DYNLT2: variants seen among roughly 807,000 people sequenced by gnomAD.
DYNLT2 encodes the protein dynein light chain Tctex-type protein 2.
DYNLT2 carries 24 observed loss-of-function variants against 24.3 expected under a neutral mutation model. That is an observed-to-expected ratio of 0.99 (90% confidence interval 0.71 to 1.39). DYNLT2 has a LOEUF of 1.39. Among genes scored for constraint, DYNLT2 ranks in the 40% most tolerant of loss-of-function variants. DYNLT2 has a pLI of 0.00. For synonymous variants in DYNLT2, 85 were observed against 85.4 expected, an observed-to-expected ratio of 1.00 and a Z score of 0.03; for missense variants, 246 against 234.5, an observed-to-expected ratio of 1.05 and a Z score of -0.32.
the DYNLT2 span, among the ~76,000 whole-genome samples, chr6:169,732,083 A>G: frequency 6.6e-6 from 1 of 152,310 alleles, no homozygotes. Context: ...GGTTATTACT[A>G]ATTTTTTCTG....
At chr6:169,732,634 A>G in the DYNLT2 span, among the ~76,000 whole-genome samples, 1 of 152,184 alleles carries the variant, frequency 6.6e-6, no homozygotes, top group Non-Finnish European at 1.5e-5. Context: ...TTATGGCTGC[A>G]TAGTATACCA....
chr6:169,742,614 T>C (rs1035413213), intron 3 of DYNLT2, among the ~76,000 whole-genome samples: 7 of 152,160 alleles, frequency 4.6e-5, no homozygotes, highest in African/African-American at 1.7e-4. Flanking sequence ...TTTGTACTTT[T>C]CTTTCTTTTT....
At chr6:169,733,896 T>C in the DYNLT2 span, among the ~76,000 whole-genome samples, 1 of 152,232 alleles carries the variant, frequency 6.6e-6, no homozygotes, top group Non-Finnish European at 1.5e-5. Context: ...ATTTTCACAA[T>C]GGTGATTCTT....
At chr6:169,741,107 G>A (rs187245355) in intron 3 of DYNLT2, among the ~76,000 whole-genome samples, 4 of 152,148 alleles carry the variant, frequency 2.6e-5, no homozygotes, top group African/African-American at 7.2e-5. Context: ...ACGTCTGGCC[G>A]AAAAAGGCCC....
At chr6:169,746,575 A>G (rs943852068) in intron 1 of DYNLT2, among the ~76,000 whole-genome samples, 4 of 152,128 alleles carry the variant, frequency 2.6e-5, no homozygotes, top group African/African-American at 9.7e-5. Context: ...TTTGTCAACT[A>G]CAGCCCTTTA....
Position 169,751,368 on chromosome 6 carries a change from T to C in DYNLT2, c.91A>G (p.Arg31Gly), listed in dbSNP as rs1006855838. The C allele has an allele frequency of 1.2e-6, 2 of 1,613,998 alleles. No individual in the cohort carries two copies. Among genetic ancestry groups the C allele is most frequent in the Non-Finnish European group, 1.7e-6 (2 of 1,180,012 alleles). Residue 31 changes from arginine (R) to glycine (G), a missense_variant, in exon 1 of 4, where the codon AGG (arginine) becomes GGG (glycine). By Grantham distance (125) the Arg-to-Gly change is moderately radical. Transcript: ENST00000366774. ...QQAPVTPRKE[R>G]RPSMFEKEAY... Reference sequence around the variant, plus strand: ...TCCTTCTCGAACATGCTAGGCCTCCTTTCTTTCCTAGGCGTCACCGGAGCC... The same window carrying C: ...TCCTTCTCGAACATGCTAGGCCTCCCTTCTTTCCTAGGCGTCACCGGAGCC...
intron 3 of DYNLT2, among the ~76,000 whole-genome samples, chr6:169,742,014 T>C (rs1218829949): frequency 6.6e-6 from 1 of 152,178 alleles, no homozygotes; most frequent in Non-Finnish European, 1.5e-5. Context: ...AGTCCACTCC[T>C]CTATGGAACC....
chr6:169,726,341 T>TA, the DYNLT2 span, among the ~76,000 whole-genome samples: 4 of 151,646 alleles, frequency 2.6e-5, no homozygotes, highest in Admixed American at 2.6e-4. Context: ...TACTACCAAC[T>TA]AAAAAAAATG....
intron 1 of DYNLT2, among the ~76,000 whole-genome samples, chr6:169,746,542 G>T (rs1174552318): frequency 6.6e-6 from 1 of 151,998 alleles, no homozygotes; most frequent in Non-Finnish European, 1.5e-5. Flanking sequence ...TGCTTACATT[G>T]CTCATCCGTT....
rs1054312427 is a variant in DYNLT2 at position 169,751,204 on chromosome 6, A to G, written c.120+135T>C. 15 of 1,372,168 alleles carry G rather than the reference A, an allele frequency of 1.1e-5. No homozygotes were observed. In the Admixed American group the frequency reaches 3.3e-4, roughly 30 times the overall value. 85.0% of individuals were successfully genotyped at this position (1,372,168 alleles called of 1,614,324 possible). On this transcript the variant is annotated intron_variant, in intron 1 of 3. Coordinates refer to ENST00000366774, the MANE Select transcript of DYNLT2 (RefSeq NM_174910.3). ...TCAGGCTTCAATTTCGCATCTGGGG[A>G]AAAAAGAAACACAAAAGGGAGATGC...
chr6:169,751,072 G>A, intron 1 of DYNLT2: 1 of 386,292 alleles, frequency 2.6e-6, no homozygotes, highest in Non-Finnish European at 4.6e-6. Flanking sequence ...TTGAAAAGAA[G>A]ATCTTGTAAC....
chr6:169,739,980 G>T, downstream of DYNLT2: 1 of 503,858 alleles, frequency 2.0e-6, no homozygotes, highest in Non-Finnish European at 3.5e-6. Context: ...ATACTACTTT[G>T]GCATAATATT....
rs184065018 is a variant in DYNLT2, at chr6:169,745,315, T to G, written c.121-1041A>C. 7.4e-3 allele frequency among the ~76,000 whole-genome samples: 1,124 copies of G among 152,114 alleles called. 14 individuals are homozygous for G. The highest frequency in any genetic ancestry group is 0.025 in the African/African-American group (1,036 of 41,498). ...GACGGGGTTTCACCATGTTAGCCAG[T>G]ATGGTCTTGATCTCCTGACCTCGTG... On this transcript the variant is annotated intron_variant, in intron 1 of 3. Coordinates refer to ENST00000366774, the MANE Select transcript of DYNLT2 (RefSeq NM_174910.3).
chr6:169,749,811 G>A (rs1031736749), intron 1 of DYNLT2: 5 of 152,094 alleles, frequency 3.3e-5, no homozygotes, highest in African/African-American at 1.2e-4. Context: ...AAGAAATGGA[G>A]GCAAGACAGA....
At chr6:169,726,994 G>A in the DYNLT2 span, among the ~76,000 whole-genome samples, 23 of 151,688 alleles carry the variant, frequency 1.5e-4, no homozygotes, top group Non-Finnish European at 3.4e-4. Flanking sequence ...AGATAGAGAA[G>A]GAAAAAAAAG....
the DYNLT2 span, among the ~76,000 whole-genome samples, chr6:169,729,718 C>G: frequency 6.6e-6 from 1 of 152,052 alleles, no homozygotes; most frequent in Non-Finnish European, 1.5e-5. Flanking sequence ...AGCAGAGTCC[C>G]CATGATGGGG....
At chr6:169,725,611 C>T in the DYNLT2 span, 1 of 313,090 alleles carries the variant, frequency 3.2e-6, no homozygotes, top group Admixed American at 5.0e-5. Flanking sequence ...ATTCTTTTCA[C>T]TGATCAGGGT....
rs558334390 is a variant in DYNLT2 at position 169,751,503 on chromosome 6, G to A, written c.-45C>T. 80 of 1,611,162 alleles carry A rather than the reference G, an allele frequency of 5.0e-5. No individual in the cohort carries two copies. In the Admixed American group the frequency reaches 7.9e-4, roughly 16 times the overall value. ...CGCCCACCGCCTCCCCTTCACCGCC[G>A]GCGGTCAAACGCCCTAGCCAGTCCC... On this transcript the variant is annotated 5_prime_UTR_variant, in exon 1 of 4. Transcript: ENST00000366774.
At chr6:169,725,309 A>T in the DYNLT2 span, 3 of 398,586 alleles carry the variant, frequency 7.5e-6, no homozygotes, top group Non-Finnish European at 8.8e-6. Flanking sequence ...TCCATTCATT[A>T]TAGTTGCCTA....
Sources: allele counts gnomAD v4.1 joint callset (sites outside exome capture counted in the v4.1 genomes callset), GRCh38; gene constraint gnomAD v4.1.1; transcripts MANE v1.5; gene names NCBI Gene and HGNC (gene_info 2026-07-23, HGNC 2026-07-21).